Variants in MAPKAPK5 observed in about 807,000 individuals in gnomAD.
The protein encoded by MAPKAPK5 is MAPK activated protein kinase 5, also known as MAP kinase-activated protein kinase 5.
In MAPKAPK5, 30 loss-of-function variants were observed where a neutral mutation model predicts 65.1. The ratio of observed to expected loss-of-function variants is 0.46; its 90% CI spans 0.34 to 0.63. MAPKAPK5 has a LOEUF of 0.63. Among genes scored for constraint, MAPKAPK5 ranks in the 20% least tolerant of loss-of-function variants. The pLI is 0.01. For missense variants in MAPKAPK5, 433 were observed against 581.4 expected (o/e 0.74, Z 2.63); for synonymous variants, 179 against 204.6 (o/e 0.87, Z 1.07).
intron 7 of MAPKAPK5, among the ~76,000 whole-genome samples, chr12:111,876,830 G>A (rs1440573672): frequency 6.6e-6 from 1 of 151,692 alleles, no homozygotes; most frequent in Non-Finnish European, 1.5e-5. Flanking sequence ...GGATGATAAG[G>A]TATTTCTAGT....
At chr12:111,879,674 C>T (rs2070124365) in intron 7 of MAPKAPK5, 1 of 152,320 alleles carries the variant, frequency 6.6e-6, no homozygotes, top group African/African-American at 2.4e-5. Flanking sequence ...AGGTGTGAGC[C>T]ACCGCACCCA....
intron 10 of MAPKAPK5, chr12:111,888,116 C>G (rs751182219): frequency 4.5e-6 from 1 of 221,162 alleles, no homozygotes; most frequent in Non-Finnish European, 9.0e-6. Context: ...TGAGGTGAAT[C>G]AATACCGTCT....
chr12:111,861,144 C>T (rs1467948571), intron 1 of MAPKAPK5, among the ~76,000 whole-genome samples: 3 of 150,646 alleles, frequency 2.0e-5, no homozygotes, highest in African/African-American at 7.3e-5. Context: ...GCAACAAGAG[C>T]GAGACTCCGT....
In MAPKAPK5 at chr12:111,857,315, C is replaced by T. The variant is rs143435498; in HGVS notation, c.37-7935C>T. On this transcript the variant is annotated intron_variant, in intron 1 of 13. Transcript: ENST00000550735. ...AGAGTGCAGTGGTATGATCTCGGCT[C>T]ACTGCAACCTCCACCTCCCGGGTTC... Among the ~76,000 whole-genome samples the T allele has an allele frequency of 4.7e-3, 717 of 151,084 alleles. 10 individuals carry two copies. The highest frequency in any genetic ancestry group is 0.017 in the African/African-American group (681 of 41,136).
rs768104825 is a variant in MAPKAPK5, at chr12:111,900,842, C to T, written c.*7781C>T. On this transcript the variant is annotated 3_prime_UTR_variant, in exon 14 of 14. Coordinates refer to ENST00000550735, the MANE Select transcript of MAPKAPK5 (RefSeq NM_003668.4). Reference sequence around the variant, plus strand: ...ATGGCTCAAAATGTCATACAATTTACGAGTGCCTTAAAGTTCATTGTATGG... The same window carrying T: ...ATGGCTCAAAATGTCATACAATTTATGAGTGCCTTAAAGTTCATTGTATGG... 4.8e-5 allele frequency: 22 copies of T among 455,918 alleles called. No homozygotes were observed. The highest frequency in any genetic ancestry group is 7.0e-5 in the Admixed American group (3 of 42,556). The allele number at this position is 455,918 out of a possible 1,614,324, so 28.2% of individuals were successfully genotyped here.
intron 1 of MAPKAPK5, among the ~76,000 whole-genome samples, chr12:111,845,050 G>C (rs1433022731): frequency 6.6e-6 from 1 of 152,186 alleles, no homozygotes; most frequent in African/African-American, 2.4e-5. Context: ...AGTTCCAGGA[G>C]ATAAGTATAC....
In MAPKAPK5 at chr12:111,894,314, G is replaced by A. The variant is rs2070723417; in HGVS notation, c.*1253G>A. On this transcript the variant is annotated 3_prime_UTR_variant, in exon 14 of 14. Transcript: ENST00000550735. ...CTCAAAGTACTGGGATTACAGGCAT[G>A]AGCCACCAAGCCTGGCCTATTCTTT... 1 of 152,384 alleles carries A rather than the reference G, an allele frequency of 6.6e-6. No homozygotes were observed. Among genetic ancestry groups the A allele is most frequent in the East Asian group, 1.9e-4 (1 of 5,204 alleles). The allele number at this position is 152,384 out of a possible 1,614,324, so 9.4% of individuals were successfully genotyped here. A position where few individuals can be genotyped will look rare whatever the true frequency, so the allele number is the denominator to read the frequency against.
In MAPKAPK5 at chr12:111,897,430, T is replaced by C. The variant is rs904087233; in HGVS notation, c.*4369T>C. ...AGAAAATAAGTTTCAATTTGAGAAT[T>C]AGAAAATTGGATATTTCATTTTAAT... On this transcript the variant is annotated 3_prime_UTR_variant, in exon 14 of 14. Transcript: ENST00000550735. 6.6e-6 allele frequency: 1 copy of C among 152,208 alleles called. No individual in the cohort carries two copies. The highest frequency in any genetic ancestry group is 1.5e-5 in the Non-Finnish European group (1 of 68,036). The allele number at this position is 152,208 out of a possible 1,614,324, so 9.4% of individuals were successfully genotyped here. A position where few individuals can be genotyped will look rare whatever the true frequency, so the allele number is the denominator to read the frequency against.
chr12:111,843,283 T>C (rs2068789486), intron 1 of MAPKAPK5: 1 of 398,548 alleles, frequency 2.5e-6, no homozygotes, highest in Admixed American at 4.4e-5. Context: ...TCTCCCCTTT[T>C]TCTTTTTCCT....
intron 10 of MAPKAPK5, chr12:111,887,766 G>A (rs1414337969): frequency 6.6e-6 from 1 of 151,560 alleles, no homozygotes; most frequent in African/African-American, 2.4e-5. Context: ...CCCCTCAGAG[G>A]TGAGGTAATC....
intron 3 of MAPKAPK5, 148 bp downstream of exon 3, chr12:111,866,379 T>C (rs1335215301): frequency 3.1e-6 from 2 of 640,790 alleles, no homozygotes; most frequent in East Asian, 5.6e-5. Context: ...CATGCTATCT[T>C]AGTAAAGTAG....
intron 1 of MAPKAPK5, among the ~76,000 whole-genome samples, chr12:111,851,287 G>A (rs2069075074): frequency 6.6e-6 from 1 of 152,058 alleles, no homozygotes; most frequent in Non-Finnish European, 1.5e-5. Context: ...TGGTCTACTT[G>A]TCCACAAACA....
intron 1 of MAPKAPK5, among the ~76,000 whole-genome samples, chr12:111,858,164 C>T (rs1241723341): frequency 6.6e-6 from 1 of 152,090 alleles, no homozygotes; most frequent in Non-Finnish European, 1.5e-5. Flanking sequence ...TGCAGCCTCC[C>T]AAAGTGCTGG....
At chr12:111,853,153 C>T (rs1283810075) in intron 1 of MAPKAPK5, among the ~76,000 whole-genome samples, 1 of 151,890 alleles carries the variant, frequency 6.6e-6, no homozygotes, top group Non-Finnish European at 1.5e-5. Context: ...ATCACGAGGT[C>T]AGGGGATCGA....
rs751922980 is a variant in MAPKAPK5, at chr12:111,900,613, G to A, written c.*7552G>A. 2.2e-6 allele frequency: 1 copy of A among 455,624 alleles called. No individual in the cohort carries two copies. The highest frequency in any genetic ancestry group is 6.9e-5 in the East Asian group (1 of 14,398). 28.2% of individuals were successfully genotyped at this position (455,624 alleles called of 1,614,324 possible). On this transcript the variant is annotated 3_prime_UTR_variant, in exon 14 of 14. Coordinates refer to ENST00000550735, the MANE Select transcript of MAPKAPK5 (RefSeq NM_003668.4). ...GTGGAGGACACGGAGCAGTGTGACT[G>A]TGGTTCTCTATGTCAGCATCATGCA... is the stretch of plus-strand genomic sequence containing the variant.
rs543602151 is a variant in MAPKAPK5 at position 111,894,257 on chromosome 12, G to C, written c.*1196G>C. On this transcript the variant is annotated 3_prime_UTR_variant, in exon 14 of 14. Coordinates refer to ENST00000550735, the MANE Select transcript of MAPKAPK5 (RefSeq NM_003668.4). ...AGGGTTTCACCATGTTGGCCAGGCT[G>C]GTCTCGAACTCCTGACCATCCACCT... The C allele has an allele frequency of 4.6e-5, 7 of 152,458 alleles. No individual in the cohort carries two copies. The highest frequency in any genetic ancestry group is 3.3e-4 in the Admixed American group (5 of 15,286). 9.4% of individuals were successfully genotyped at this position (152,458 alleles called of 1,614,324 possible). A position where few individuals can be genotyped will look rare whatever the true frequency, so the allele number is the denominator to read the frequency against.
At chr12:111,850,319 G>T (rs2069037198) in intron 1 of MAPKAPK5, among the ~76,000 whole-genome samples, 2 of 152,334 alleles carry the variant, frequency 1.3e-5, no homozygotes, top group Admixed American at 1.3e-4. Context: ...GAGCAACTGT[G>T]CCTGGCCAAA....
chr12:111,895,818 C>G lies in MAPKAPK5; in HGVS notation c.*2757C>G, dbSNP rs1428387814. 1 of 152,090 alleles carries G rather than the reference C, an allele frequency of 6.6e-6. No homozygotes were observed. The highest frequency in any genetic ancestry group is 1.5e-5 in the Non-Finnish European group (1 of 68,024). 9.4% of individuals were successfully genotyped at this position (152,090 alleles called of 1,614,324 possible). ...TGCTGGGATTACAGGCGTGAGCCAC[C>G]GTGCGCGACCTGAATACTTTTCATG... On this transcript the variant is annotated 3_prime_UTR_variant, in exon 14 of 14. Coordinates refer to ENST00000550735, the MANE Select transcript of MAPKAPK5 (RefSeq NM_003668.4).
At chr12:111,884,986 A>G (rs996771413) in intron 9 of MAPKAPK5, among the ~76,000 whole-genome samples, 4 of 152,190 alleles carry the variant, frequency 2.6e-5, no homozygotes, top group Admixed American at 2.0e-4. Context: ...TTAAATCACC[A>G]TCTGTCTTGA....
Sources: gnomAD v4.1 joint callset for allele counts (sites outside exome capture counted in the v4.1 genomes callset) on GRCh38, gnomAD v4.1.1 for gene constraint, MANE v1.5 for transcripts, NCBI Gene and HGNC (gene_info 2026-07-23, HGNC 2026-07-21) for gene names.